Variants in PI4KA observed in about 807,000 individuals in gnomAD.
The protein encoded by PI4KA is phosphatidylinositol 4-kinase alpha.
A neutral mutation model predicts 271.4 loss-of-function variants in PI4KA; 122 were observed. The observed-to-expected ratio is 0.45, with a 90% CI of 0.39 to 0.52. The LOEUF (loss-of-function observed/expected upper bound fraction) is 0.52, where lower values mean the gene tolerates loss of function less well. PI4KA is among the 20% of genes least tolerant of loss of function. PI4KA has a pLI of 0.00. For synonymous variants in PI4KA, 1,041 were observed against 1,078.8 expected (o/e 0.96, Z 0.69); for missense variants, 1,969 against 2,769.1 (o/e 0.71, Z 6.48).
chr22:20,749,046 C>A (rs559650011), intron 28 of PI4KA, among the ~76,000 whole-genome samples: 1 of 152,328 alleles, frequency 6.6e-6, no homozygotes, highest in Non-Finnish European at 1.5e-5. Context: ...TTTTTGTCCA[C>A]TTAAACTTTC....
At chr22:20,744,442 T>C (rs1167966519) in intron 30 of PI4KA, among the ~76,000 whole-genome samples, 186 bp downstream of exon 30, 1 of 113,458 alleles carries the variant, frequency 8.8e-6, no homozygotes, top group Admixed American at 9.4e-5. Context: ...AAAAAACAAG[T>C]AACTGGTCAT....
At position 20,759,402 on chromosome 22, in the gene PI4KA, CTTTTT is replaced by C. The variant is rs886192073; in HGVS notation, c.2791+1897_2791+1901del. ...TTGATTTTTCTTTTTCTTTTCTTTT[CTTTTT>C]TTTTTTTTTTTTTTTTGAGACAGAG... On this transcript the variant is annotated intron_variant, in intron 23 of 54. Coordinates refer to ENST00000255882, the MANE Select transcript of PI4KA (RefSeq NM_058004.4). 9.4e-3 allele frequency among the ~76,000 whole-genome samples: 967 copies of C among 102,868 alleles called. 9 individuals are homozygous for C. The highest frequency in any genetic ancestry group is 0.034 in the African/African-American group (902 of 26,712). 67.5% of individuals were successfully genotyped at this position (102,868 alleles called of 152,430 possible). A position where few individuals can be genotyped will look rare whatever the true frequency, so the allele number is the denominator to read the frequency against.
intron 4 of PI4KA, 58 bp from the exon 5 acceptor site, chr22:20,820,669 C>G: frequency 4.2e-6 from 5 of 1,200,408 alleles, no homozygotes; most frequent in Non-Finnish European, 6.1e-6. Flanking sequence ...GTAAATATCA[C>G]GAAACTAAGT....
chr22:20,759,987 A>C (rs1259753490), intron 23 of PI4KA, among the ~76,000 whole-genome samples: 1 of 152,186 alleles, frequency 6.6e-6, no homozygotes. Context: ...GCTGTGAGCC[A>C]CTGTGCCCAG....
At chr22:20,820,224 T>A (rs1922459779) in intron 5 of PI4KA, among the ~76,000 whole-genome samples, 1 of 152,204 alleles carries the variant, frequency 6.6e-6, no homozygotes, top group Non-Finnish European at 1.5e-5. Flanking sequence ...CTTAGGAGCA[T>A]ATTGGTAGCC....
chr22:20,810,987 T>C lies in PI4KA; in HGVS notation c.1051A>G (p.Ile351Val), dbSNP rs1339578602. The C allele has an allele frequency of 2.5e-6, 4 of 1,613,610 alleles. No homozygotes were observed. Among genetic ancestry groups the C allele is most frequent in the African/African-American group, 1.3e-5 (1 of 75,016 alleles). The change falls in exon 9 of 55, where the codon ATT (isoleucine) becomes GTT (valine). Residue 351 changes from isoleucine (I) to valine (V), a missense_variant. This residue lies in a region of PI4KA where 540 missense variants were observed against 555.5 expected (regional missense o/e 0.97). Coordinates refer to ENST00000255882, the MANE Select transcript of PI4KA (RefSeq NM_058004.4). ...CATACCTCCATCACACTGGCTACAA[T>C]GGCATCCAAAGATTTGAGAACAGCC... ...EEAVLKSLDA[I>V]VASVMEANPS...
intron 3 of PI4KA, among the ~76,000 whole-genome samples, chr22:20,833,612 T>C (rs1433930345): frequency 6.6e-6 from 1 of 151,984 alleles, no homozygotes; most frequent in African/African-American, 2.4e-5. Context: ...AACCCATCTT[T>C]AGCAGACTGG....
intron 44 of PI4KA, among the ~76,000 whole-genome samples, chr22:20,718,068 A>G (rs1601323760): frequency 1.3e-5 from 2 of 152,318 alleles, no homozygotes; most frequent in South Asian, 2.1e-4. Flanking sequence ...GCTGCCACCC[A>G]GGAAACGCTA....
At chr22:20,808,789 C>A (rs1935830024) in intron 9 of PI4KA, among the ~76,000 whole-genome samples, 1 of 151,868 alleles carries the variant, frequency 6.6e-6, no homozygotes, top group Non-Finnish European at 1.5e-5. Context: ...AGTGATCCTC[C>A]TGCCTCAGCC....
chr22:20,847,108 A>T (rs1452251899), intron 1 of PI4KA, among the ~76,000 whole-genome samples: 1 of 151,090 alleles, frequency 6.6e-6, no homozygotes, highest in Non-Finnish European at 1.5e-5. Flanking sequence ...AGATCACGCC[A>T]CTGCACTCCA....
intron 10 of PI4KA, among the ~76,000 whole-genome samples, chr22:20,806,184 C>G (rs1259188929): frequency 2.0e-5 from 3 of 152,128 alleles, no homozygotes; most frequent in Non-Finnish European, 4.4e-5. Context: ...GGTATACCTT[C>G]CTGACAAAAT....
chr22:20,804,948 A>G, intron 11 of PI4KA, 26 bp downstream of exon 11: 1 of 1,577,172 alleles, frequency 6.3e-7, no homozygotes, highest in Non-Finnish European at 8.7e-7. Flanking sequence ...TGGAGCTCAC[A>G]TGAGAGGCAA....
chr22:20,796,977 C>T (rs780981472), intron 17 of PI4KA, among the ~76,000 whole-genome samples: 14 of 152,180 alleles, frequency 9.2e-5, no homozygotes, highest in East Asian at 1.9e-4. Flanking sequence ...CCAAGCGGCA[C>T]GACCCTGGGT....
At chr22:20,729,837 G>T in intron 37 of PI4KA, 55 bp downstream of exon 37, 1 of 1,610,914 alleles carries the variant, frequency 6.2e-7, no homozygotes, top group Non-Finnish European at 8.5e-7. Flanking sequence ...CAAGCAGCTT[G>T]CAACTAGAAT....
intron 36 of PI4KA, among the ~76,000 whole-genome samples, chr22:20,731,278 T>C (rs1269898695): frequency 6.6e-6 from 1 of 152,250 alleles, no homozygotes; most frequent in East Asian, 1.9e-4. Context: ...AGTCCTTTAG[T>C]ACGGTGACAA....
At position 20,761,356 on chromosome 22, in the gene PI4KA, G is replaced by C; in HGVS notation, c.2739C>G (p.Phe913Leu). 6.2e-7 allele frequency: 1 copy of C among 1,612,584 alleles called. No individual in the cohort carries two copies. The highest frequency in any genetic ancestry group is 8.5e-7 in the Non-Finnish European group (1 of 1,178,660). Residue 913 changes from phenylalanine to leucine, a missense_variant, in exon 23 of 55, where the codon TTC becomes TTG. By Grantham distance (22) the Phe-to-Leu change is conservative. Around this residue, in one of 13 missense-constraint regions of PI4KA, gnomAD observed 368 missense variants for 544.3 expected, o/e 0.68. Transcript: ENST00000255882. Reference protein sequence around the residue: ...RVLRSTDPDRFQVMFCYFEDK... With the variant: ...RVLRSTDPDRLQVMFCYFEDK... ...CCTCAAAGTAGCAGAACATTACCTGGAAGCGATCAGGATCTGTTGAACGCA... is the reference window on the plus strand; with the variant it reads ...CCTCAAAGTAGCAGAACATTACCTGCAAGCGATCAGGATCTGTTGAACGCA...
At chr22:20,730,879 C>T (rs1927953690) in intron 36 of PI4KA, among the ~76,000 whole-genome samples, 1 of 151,744 alleles carries the variant, frequency 6.6e-6, no homozygotes, top group Non-Finnish European at 1.5e-5. Flanking sequence ...CTTCTTCTAG[C>T]CTTTAAAATA....
intron 48 of PI4KA, 69 bp downstream of exon 48, chr22:20,713,212 G>C (rs1190804975): frequency 1.5e-5 from 16 of 1,081,758 alleles, no homozygotes; most frequent in Non-Finnish European, 2.8e-6. Flanking sequence ...ATTGGACTCT[G>C]GCGGGCCTGG....
At chr22:20,840,402 A>T (rs946248506) in intron 1 of PI4KA, among the ~76,000 whole-genome samples, 1 of 152,204 alleles carries the variant, frequency 6.6e-6, no homozygotes, top group Non-Finnish European at 1.5e-5. Flanking sequence ...CCAGGTCAGA[A>T]GCCTGAATTG....
Sources: allele counts gnomAD v4.1 joint callset (sites outside exome capture counted in the v4.1 genomes callset), GRCh38; gene constraint gnomAD v4.1.1; regional missense constraint gnomAD v4.1.1; transcripts MANE v1.5; gene names NCBI Gene and HGNC (gene_info 2026-07-23, HGNC 2026-07-21).